LINGO2: variants seen among roughly 807,000 people sequenced by gnomAD.
LINGO2 encodes the protein leucine-rich repeat and immunoglobulin-like domain-containing nogo receptor-interacting protein 2.
LINGO2 carries 14 observed loss-of-function variants against 30.6 expected under a neutral mutation model. That is an observed-to-expected ratio of 0.46 (90% confidence interval 0.30 to 0.72). The LOEUF is 0.72. Among genes scored for constraint, LINGO2 ranks in the 30% least tolerant of loss-of-function variants. The probability of loss-of-function intolerance (pLI) is 0.07; values close to 1 mark genes in which losing one functional copy is unlikely to be tolerated. For missense variants in LINGO2, 729 were observed against 751.7 expected, an observed-to-expected ratio of 0.97 and a Z score of 0.35; for synonymous variants, 317 against 288.5, an observed-to-expected ratio of 1.10 and a Z score of -1.00.
the LINGO2 span, chr9:27,940,687 T>A: frequency 2.6e-5 from 4 of 152,154 alleles, no homozygotes; most frequent in African/African-American, 9.7e-5. Context: ...AGTATGCTCA[T>A]GACTGAGAAA....
chr9:27,947,137 A>C (rs565805321), downstream of LINGO2, among the ~76,000 whole-genome samples: 2 of 152,292 alleles, frequency 1.3e-5, no homozygotes, highest in South Asian at 2.1e-4. Flanking sequence ...ATTTCCTATC[A>C]GTTCTATGCT....
At chr9:28,405,422 C>G (rs777539401) in intron 2 of LINGO2, among the ~76,000 whole-genome samples, 20 of 152,168 alleles carry the variant, frequency 1.3e-4, no homozygotes, top group Admixed American at 1.3e-3. Context: ...CTGGGCCCAT[C>G]GCCTCTAGTT....
the LINGO2 span, among the ~76,000 whole-genome samples, chr9:29,088,580 G>A: frequency 2.0e-5 from 3 of 152,104 alleles, no homozygotes; most frequent in Non-Finnish European, 4.4e-5. Flanking sequence ...CTGGAATGGT[G>A]TTAGGAAATA....
At chr9:29,054,371 T>C in the LINGO2 span, among the ~76,000 whole-genome samples, 4 of 152,220 alleles carry the variant, frequency 2.6e-5, no homozygotes, top group African/African-American at 9.6e-5. Flanking sequence ...AATAATGGTA[T>C]TGAAATTGTT....
intron 2 of LINGO2, among the ~76,000 whole-genome samples, chr9:28,453,322 T>C (rs906609022): frequency 6.6e-6 from 1 of 151,912 alleles, no homozygotes; most frequent in Non-Finnish European, 1.5e-5. Flanking sequence ...CTCTGTACTG[T>C]ATAACAAATG....
chr9:28,072,211 T>C (rs1825499430), intron 4 of LINGO2, among the ~76,000 whole-genome samples: 1 of 152,208 alleles, frequency 6.6e-6, no homozygotes, highest in Admixed American at 6.5e-5. Context: ...AGTTGATGTC[T>C]TGCACACAAC....
intron 4 of LINGO2, among the ~76,000 whole-genome samples, chr9:28,273,778 T>C (rs190598866): frequency 2.0e-5 from 3 of 152,278 alleles, no homozygotes; most frequent in Admixed American, 6.5e-5. Context: ...TGTACCTAAA[T>C]GAGTGATTCT....
chr9:29,056,993 G>A, the LINGO2 span, among the ~76,000 whole-genome samples: 5 of 152,002 alleles, frequency 3.3e-5, no homozygotes, highest in South Asian at 2.1e-4. Context: ...GACTAGAGCC[G>A]TATAGTATAA....
chr9:28,310,157 A>C (rs1308585898), intron 3 of LINGO2, among the ~76,000 whole-genome samples: 2 of 152,156 alleles, frequency 1.3e-5, no homozygotes, highest in African/African-American at 4.8e-5. Flanking sequence ...AAGCATACAC[A>C]AATATATAGT....
At chr9:27,960,668 G>C (rs1389583341) in intron 5 of LINGO2, among the ~76,000 whole-genome samples, 3 of 143,394 alleles carry the variant, frequency 2.1e-5, no homozygotes, top group Non-Finnish European at 4.6e-5. Flanking sequence ...CATTTAGAAA[G>C]CTTCTCTTTT....
At chr9:29,115,339 T>C in the LINGO2 span, among the ~76,000 whole-genome samples, 176 of 152,186 alleles carry the variant, frequency 1.2e-3, no homozygotes, top group African/African-American at 4.1e-3. Flanking sequence ...TAAATAATAG[T>C]TTATTGGTAA....
intron 2 of LINGO2, among the ~76,000 whole-genome samples, chr9:28,394,425 C>T (rs1821962322): frequency 6.6e-6 from 1 of 152,144 alleles, no homozygotes; most frequent in African/African-American, 2.4e-5. Context: ...TTTTTCCCCA[C>T]TGCCCTCACT....
chr9:27,961,446 G>C (rs540156731), intron 5 of LINGO2, among the ~76,000 whole-genome samples: 27 of 152,252 alleles, frequency 1.8e-4, no homozygotes, highest in Admixed American at 4.6e-4. Flanking sequence ...CAAAGGCATG[G>C]AGACAGTAAG....
intron 1 of LINGO2, among the ~76,000 whole-genome samples, chr9:28,496,287 G>C (rs1819625682): frequency 2.0e-5 from 3 of 152,060 alleles, no homozygotes; most frequent in Non-Finnish European, 4.4e-5. Context: ...ATTATTGTGT[G>C]GGAGTCTAAG....
At chr9:28,804,596 T>C in the LINGO2 span, among the ~76,000 whole-genome samples, 2 of 151,956 alleles carry the variant, frequency 1.3e-5, no homozygotes, top group Non-Finnish European at 2.9e-5. Flanking sequence ...TAGGACAATA[T>C]GATTTAATAC....
chr9:29,081,592 CAGG>C, the LINGO2 span, among the ~76,000 whole-genome samples: 4 of 152,000 alleles, frequency 2.6e-5, no homozygotes, highest in Non-Finnish European at 4.4e-5. Flanking sequence ...GGGAATCAGG[CAGG>C]AGAAGGAAAT....
At chr9:27,950,079 G>C (rs201124522) in exon 6 of LINGO2, 7 of 1,614,020 alleles carry the variant, frequency 4.3e-6, no homozygotes, top group African/African-American at 1.3e-5. Flanking sequence ...GCGGAGGTGG[G>C]AGAGGGCTTC....
At chr9:28,974,149 C>G in the LINGO2 span, among the ~76,000 whole-genome samples, 2 of 152,200 alleles carry the variant, frequency 1.3e-5, no homozygotes, top group Non-Finnish European at 2.9e-5. Flanking sequence ...TGGCTCACAC[C>G]TGTAATCCCA....
intron 1 of LINGO2, among the ~76,000 whole-genome samples, chr9:28,562,934 T>C (rs1044281569): frequency 2.0e-5 from 3 of 151,906 alleles, no homozygotes; most frequent in Non-Finnish European, 4.4e-5. Context: ...GCAAACTCCA[T>C]CTCCCGGGTT....
Sources: allele counts gnomAD v4.1 joint callset (sites outside exome capture counted in the v4.1 genomes callset), GRCh38; gene constraint gnomAD v4.1.1; transcripts MANE v1.5; gene names NCBI Gene and HGNC (gene_info 2026-07-23, HGNC 2026-07-21).